UGT2B7: variants seen among roughly 807,000 people sequenced by gnomAD.
The protein encoded by UGT2B7 is UDP-glucuronosyltransferase 2B7.
A neutral mutation model predicts 51.9 loss-of-function variants in UGT2B7; 51 were observed. The ratio of observed to expected loss-of-function variants is 0.98; its 90% confidence interval spans 0.78 to 1.24. The LOEUF is 1.24. UGT2B7 is among the 50% of genes most tolerant of loss of function. The pLI is 0.00. For missense variants in UGT2B7, 727 were observed against 628.4 expected, an observed-to-expected ratio of 1.16 and a Z score of -1.68; for synonymous variants, 225 against 211.6, an observed-to-expected ratio of 1.06 and a Z score of -0.55.
chr4:69,054,381 T>C (rs1384902747), intron 1 of UGT2B7, among the ~76,000 whole-genome samples: 5 of 152,170 alleles, frequency 3.3e-5, no homozygotes, highest in African/African-American at 1.2e-4. Flanking sequence ...GCAGATAAGC[T>C]AACTCTTAGA....
rs1367675699 is a variant in UGT2B7, at chr4:69,102,889, A to G, written c.953A>G (p.Glu318Gly). Residue 318 changes from glutamate to glycine, a missense_variant, in exon 3 of 6, where the codon GAA (glutamate) becomes GGA (glycine). Transcript: ENST00000305231. ...SLGSMVSNMT[E>G]ERANVIASAL... Reference sequence around the variant, plus strand: ...GGGTCAATGGTCAGTAACATGACAGAAGAAAGGGCCAACGTAATTGCATCA... The same window carrying G: ...GGGTCAATGGTCAGTAACATGACAGGAGAAAGGGCCAACGTAATTGCATCA... 1 of 1,613,702 alleles carries G rather than the reference A, an allele frequency of 6.2e-7. No homozygotes were observed. The highest frequency in any genetic ancestry group is 2.2e-5 in the East Asian group (1 of 44,846).
At chr4:69,091,199 C>T (rs1166672122) in intron 2 of UGT2B7, among the ~76,000 whole-genome samples, 1 of 152,172 alleles carries the variant, frequency 6.6e-6, no homozygotes, top group African/African-American at 2.4e-5. Context: ...TCCTGTATTA[C>T]TCATGTGATT....
upstream of UGT2B7, among the ~76,000 whole-genome samples, chr4:69,095,321 G>A (rs898374887): frequency 6.6e-6 from 1 of 152,128 alleles, no homozygotes; most frequent in Non-Finnish European, 1.5e-5. Flanking sequence ...CAGGGTAATA[G>A]GGTAAAGTCA....
Position 69,096,733 on chromosome 4 carries a change from T to G in UGT2B7, c.213T>G (p.Ala71=). The G allele has an allele frequency of 1.2e-6, 2 of 1,614,026 alleles. No homozygotes were observed. Among genetic ancestry groups the G allele is most frequent in the Middle Eastern group, 1.6e-4 (1 of 6,062 alleles). The change falls in exon 1 of 6, where the codon GCT becomes GCG. Residue 71 remains alanine, a synonymous_variant. Coordinates refer to ENST00000305231, the MANE Select transcript of UGT2B7 (RefSeq NM_001074.4). ...SILFDPNNSS[A]LKIEIYPTSL... is the part of the protein sequence containing the mutation. ...TTTTTGATCCCAACAACTCATCCGC[T>G]CTTAAAATTGAAATTTATCCCACAT... is the stretch of plus-strand genomic sequence containing the variant.
At chr4:69,100,435 C>A (rs1235654930) in intron 2 of UGT2B7, among the ~76,000 whole-genome samples, 2 of 151,988 alleles carry the variant, frequency 1.3e-5, no homozygotes, top group East Asian at 3.9e-4. Flanking sequence ...ATTATTTAAT[C>A]TCTTAAAAGA....
At chr4:69,064,112 A>AAGAAAGAGAGAGAGAGAAAGAAAGAAAG (rs754723956) in intron 1 of UGT2B7, among the ~76,000 whole-genome samples, 1 of 86,800 alleles carries the variant, frequency 1.2e-5, no homozygotes, top group Non-Finnish European at 2.2e-5. Flanking sequence ...GAAAGAAAGA[A>AAGAAAGAGAGAGAGAGAAAGAAAGAAAG]AAAGAAAGAA....
intron 3 of UGT2B7, among the ~76,000 whole-genome samples, chr4:69,103,600 C>T (rs1198688956): frequency 2.6e-5 from 4 of 152,142 alleles, no homozygotes; most frequent in East Asian, 3.9e-4. Context: ...TCACAAAAAA[C>T]GTATATCCAG....
intron 1 of UGT2B7, among the ~76,000 whole-genome samples, chr4:69,087,438 T>C (rs745864279): frequency 1.9e-4 from 29 of 152,006 alleles, no homozygotes; most frequent in African/African-American, 6.8e-4. Context: ...TTTGTCTTTT[T>C]ATCTTCATGA....
Position 69,096,818 on chromosome 4 carries a change from C to G in UGT2B7, c.298C>G (p.Leu100Val). Residue 100 changes from leucine to valine, a missense_variant, in exon 1 of 6, where the codon CTT becomes GTT. By Grantham distance (32) the Leu-to-Val change is conservative (BLOSUM62 1). Coordinates refer to ENST00000305231, the MANE Select transcript of UGT2B7 (RefSeq NM_001074.4). ...IMQQIKRWSD[L>V]PKDTFWLYFS... ...GCAACAGATTAAGAGATGGTCAGAC[C>G]TTCCAAAAGATACATTTTGGTTATA... The G allele has an allele frequency of 6.2e-7, 1 of 1,613,822 alleles. No individual in the cohort carries two copies. The highest frequency in any genetic ancestry group is 8.5e-7 in the Non-Finnish European group (1 of 1,179,880).
At chr4:69,090,994 C>T (rs755587798) in intron 2 of UGT2B7, among the ~76,000 whole-genome samples, 7 of 152,104 alleles carry the variant, frequency 4.6e-5, no homozygotes, top group Non-Finnish European at 8.8e-5. Flanking sequence ...CTCTGTGATC[C>T]ATACACATTG....
At position 69,097,243 on chromosome 4, in the gene UGT2B7, T is replaced by C. The variant is rs780952470; in HGVS notation, c.721+2T>C. ...ATCAGTTTTATAGTGAAGTTCTAGG[T>C]AAGTATTTTTTTCAATCAGTAACAT... On this transcript the variant is annotated splice_donor_variant, in intron 1 of 5. Coordinates refer to ENST00000305231, the MANE Select transcript of UGT2B7 (RefSeq NM_001074.4). LOFTEE classifies it high-confidence loss of function. 1 of 1,600,584 alleles carries C rather than the reference T, an allele frequency of 6.2e-7. No homozygotes were observed. Among genetic ancestry groups the C allele is most frequent in the South Asian group, 1.1e-5 (1 of 88,720 alleles).
Position 69,112,590 on chromosome 4 carries a change from G to C in UGT2B7, c.1444G>C (p.Asp482His), listed in dbSNP as rs1379588626. The C allele has an allele frequency of 1.9e-6, 3 of 1,613,816 alleles. No individual in the cohort carries two copies. The highest frequency in any genetic ancestry group is 2.5e-6 in the Non-Finnish European group (3 of 1,179,880). The change falls in exon 6 of 6, where the codon GAC becomes CAC. Residue 482 changes from aspartate (D) to histidine (H), a missense_variant. Transcript: ENST00000305231. ...GAKHLRVAAH[D>H]LTWFQYHSLD... ...TAAACACCTTCGGGTTGCAGCCCACGACCTCACCTGGTTCCAGTACCACTC... is the reference window on the plus strand; with the variant it reads ...TAAACACCTTCGGGTTGCAGCCCACCACCTCACCTGGTTCCAGTACCACTC...
At chr4:69,094,169 T>G (rs1311038188), upstream of UGT2B7, among the ~76,000 whole-genome samples, 1 of 25,134 alleles carries the variant, frequency 4.0e-5, no homozygotes. Context: ...AGACGGAGTC[T>G]CGCTCTGTCG....
chr4:69,095,448 C>G (rs144889068), upstream of UGT2B7, among the ~76,000 whole-genome samples: 1 of 152,100 alleles, frequency 6.6e-6, no homozygotes, highest in South Asian at 2.1e-4. Context: ...TCAGACCAGC[C>G]GAGTCAGTAG....
chr4:69,112,688 T>G lies in UGT2B7; in HGVS notation c.1542T>G (p.Phe514Leu). The change falls in exon 6 of 6, where the codon TTT (phenylalanine) becomes TTG (leucine). Residue 514 changes from phenylalanine to leucine, a missense_variant. Physicochemically the swap from Phe to Leu is conservative, Grantham distance 22 (BLOSUM62 0). Transcript: ENST00000305231. The part of the protein sequence containing the change: ...VIFIVTKCCL[F>L]CFWKFARKAK... The stretch of plus-strand genomic sequence containing the variant: ...TTATCGTCACAAAATGTTGTCTGTT[T>G]TGTTTCTGGAAGTTTGCTAGAAAAG... 1 of 1,613,962 alleles carries G rather than the reference T, an allele frequency of 6.2e-7. No individual in the cohort carries two copies. Among genetic ancestry groups the G allele is most frequent in the Non-Finnish European group, 8.5e-7 (1 of 1,179,870 alleles).
intron 1 of UGT2B7, among the ~76,000 whole-genome samples, chr4:69,064,802 G>T (rs1718453003): frequency 1.3e-5 from 2 of 152,162 alleles, no homozygotes; most frequent in Admixed American, 6.5e-5. Context: ...CCTGCAAAAA[G>T]ATGTCAATTT....
intron 1 of UGT2B7, among the ~76,000 whole-genome samples, chr4:69,068,684 T>C (rs1718534544): frequency 6.6e-6 from 1 of 151,932 alleles, no homozygotes; most frequent in Non-Finnish European, 1.5e-5. Context: ...TCAGAATTAG[T>C]GCCCTCTTCT....
chr4:69,068,039 G>T (rs1718519622), intron 1 of UGT2B7, among the ~76,000 whole-genome samples: 2 of 151,900 alleles, frequency 1.3e-5, no homozygotes, highest in Non-Finnish European at 2.9e-5. Context: ...TATATTGAAG[G>T]TATACAAAGT....
chr4:69,056,851 G>C (rs1470301830), intron 1 of UGT2B7, among the ~76,000 whole-genome samples: 2 of 152,110 alleles, frequency 1.3e-5, no homozygotes. Context: ...AGTCTCAAAA[G>C]GGGGGAATGA....
Sources: gnomAD v4.1 joint callset for allele counts (sites outside exome capture counted in the v4.1 genomes callset) on GRCh38, gnomAD v4.1.1 for gene constraint, MANE v1.5 for transcripts, NCBI Gene and HGNC (gene_info 2026-07-23, HGNC 2026-07-21) for gene names.